CEP192: variants seen among roughly 807,000 people sequenced by gnomAD.
CEP192 encodes centrosomal protein of 192 kDa.
In CEP192, 151 loss-of-function variants were observed where a neutral mutation model predicts 271.8. That is an observed-to-expected ratio of 0.56 (90% CI 0.49 to 0.64). The LOEUF is 0.64. Among genes scored for constraint, CEP192 ranks in the 30% least tolerant of loss-of-function variants. The pLI is 0.00. For synonymous variants in CEP192, 995 were observed against 1,076.5 expected (o/e 0.92, Z 1.48); for missense variants, 2,910 against 3,020.5 (o/e 0.96, Z 0.86).
At chr18:13,117,859 T>C (rs1221207085) in intron 44 of CEP192, among the ~76,000 whole-genome samples, 1 of 152,208 alleles carries the variant, frequency 6.6e-6, no homozygotes, top group African/African-American at 2.4e-5. Context: ...GGTGCCACAG[T>C]GCACAGCATT....
At chr18:13,013,300 G>C (rs1479193263) in intron 5 of CEP192, among the ~76,000 whole-genome samples, 2 of 152,128 alleles carry the variant, frequency 1.3e-5, no homozygotes, top group Non-Finnish European at 2.9e-5. Flanking sequence ...GCTTCATCTA[G>C]AATGTTAGCT....
At chr18:13,051,460 A>G (rs1371093036) in intron 17 of CEP192, among the ~76,000 whole-genome samples, 2 of 152,180 alleles carry the variant, frequency 1.3e-5, no homozygotes. Context: ...GCCTGAAGCA[A>G]TTTGGTTAGT....
intron 6 of CEP192, among the ~76,000 whole-genome samples, chr18:13,016,152 A>T (rs961927019): frequency 1.3e-5 from 2 of 152,128 alleles, no homozygotes; most frequent in Non-Finnish European, 2.9e-5. Context: ...ACAGGCCCCA[A>T]ATGTGCCTGG....
At chr18:13,036,793 T>C (rs938577360) in intron 11 of CEP192, among the ~76,000 whole-genome samples, 1 of 152,200 alleles carries the variant, frequency 6.6e-6, no homozygotes, top group Admixed American at 6.5e-5. Context: ...CCAGTCTTTG[T>C]CCGGACCGGG....
In CEP192 at chr18:13,113,615, G is replaced by A; in HGVS notation, c.7077G>A (p.Arg2359=). 3 of 1,613,372 alleles carry A rather than the reference G, an allele frequency of 1.9e-6. No homozygotes were observed. The highest frequency in any genetic ancestry group is 2.5e-6 in the Non-Finnish European group (3 of 1,179,624). ...KVSITFLPRG[R]GDYAQFWDVE... ...CCATCACATTTTTGCCCAGAGGTAG[G>A]GGGGATTATGCCCAGTTTTGGGATG... The change falls in exon 41 of 45, where the codon AGG becomes AGA. Residue 2359 remains arginine (R), a synonymous_variant. Coordinates refer to ENST00000506447, the MANE Select transcript of CEP192 (RefSeq NM_032142.4).
intron 9 of CEP192, among the ~76,000 whole-genome samples, chr18:13,029,032 T>C (rs1568303723): frequency 6.6e-6 from 1 of 152,244 alleles, no homozygotes; most frequent in Non-Finnish European, 1.5e-5. Flanking sequence ...ATAAGTTTCA[T>C]TGGCATGTGA....
intron 40 of CEP192, among the ~76,000 whole-genome samples, chr18:13,113,177 G>C (rs1429778707): frequency 2.0e-5 from 3 of 152,176 alleles, no homozygotes; most frequent in African/African-American, 7.2e-5. Flanking sequence ...GTCCTCTACA[G>C]CTCCTGGCCG....
At chr18:13,084,965 G>A (rs1157704288) in intron 30 of CEP192, among the ~76,000 whole-genome samples, 2 of 150,866 alleles carry the variant, frequency 1.3e-5, no homozygotes, top group Non-Finnish European at 3.0e-5. Flanking sequence ...ACAAGCGCAT[G>A]CCACCACACC....
At chr18:13,005,130 C>G (rs948940901) in intron 3 of CEP192, among the ~76,000 whole-genome samples, 37 of 152,244 alleles carry the variant, frequency 2.4e-4, no homozygotes, top group African/African-American at 8.4e-4. Context: ...TATTCCATCT[C>G]CACACCAGGT....
intron 44 of CEP192, chr18:13,124,353 T>C: frequency 3.6e-6 from 1 of 276,566 alleles, no homozygotes; most frequent in Non-Finnish European, 6.8e-6. Flanking sequence ...GTATGTATGA[T>C]AGTTTAGACC....
chr18:13,051,818 C>T (rs1247436633), intron 17 of CEP192, among the ~76,000 whole-genome samples: 1 of 152,262 alleles, frequency 6.6e-6, no homozygotes, highest in African/African-American at 2.4e-5. Context: ...GCTGGGATTA[C>T]AGGCGTGAGC....
chr18:13,030,204 C>G (rs1435228038), intron 10 of CEP192, among the ~76,000 whole-genome samples: 1 of 152,118 alleles, frequency 6.6e-6, no homozygotes, highest in Non-Finnish European at 1.5e-5. Flanking sequence ...TGAAAATGTA[C>G]CTTTCTAGCT....
At chr18:13,105,132 G>T (rs1358069723) in intron 40 of CEP192, 53 bp downstream of exon 40, 32 of 1,244,174 alleles carry the variant, frequency 2.6e-5, no homozygotes, top group Non-Finnish European at 3.8e-5. Flanking sequence ...GTCCAGGAGT[G>T]CCTCATTGGA....
At chr18:13,123,536 A>G (rs1475334855) in intron 44 of CEP192, among the ~76,000 whole-genome samples, 13 of 152,166 alleles carry the variant, frequency 8.5e-5, no homozygotes, top group Admixed American at 8.5e-4. Flanking sequence ...CGAAACGTAC[A>G]TCACTTCTGG....
At chr18:13,092,096 G>A (rs1478042922) in intron 33 of CEP192, among the ~76,000 whole-genome samples, 2 of 152,164 alleles carry the variant, frequency 1.3e-5, no homozygotes, top group African/African-American at 2.4e-5. Flanking sequence ...CTATATTATA[G>A]TTGGGGAAAC....
chr18:13,058,832 G>T (rs1261622177), intron 20 of CEP192: 1 of 499,958 alleles, frequency 2.0e-6, no homozygotes, highest in African/African-American at 1.9e-5. Flanking sequence ...TGAGTGTAAG[G>T]GTCAATGTGC....
At chr18:13,038,763 G>C (rs959159632) in intron 13 of CEP192, among the ~76,000 whole-genome samples, 184 bp downstream of exon 13, 1 of 152,032 alleles carries the variant, frequency 6.6e-6, no homozygotes, top group Non-Finnish European at 1.5e-5. Flanking sequence ...GCTAATTCTG[G>C]GACATTGAGC....
At chr18:13,068,784 A>G (rs575887058) in intron 24 of CEP192, 68 bp from the exon 25 acceptor site, 2 of 1,564,684 alleles carry the variant, frequency 1.3e-6, no homozygotes, top group South Asian at 2.2e-5. Flanking sequence ...ACTGTGTGGG[A>G]CTGCTGATGG....
At chr18:13,095,471 T>C in intron 34 of CEP192, 32 bp from the exon 35 acceptor site, 1 of 1,554,910 alleles carries the variant, frequency 6.4e-7, no homozygotes, top group East Asian at 2.3e-5. Context: ...TTTCTTCATG[T>C]CTAACTTTTT....
Sources: gnomAD v4.1 joint callset for allele counts (sites outside exome capture counted in the v4.1 genomes callset) on GRCh38, gnomAD v4.1.1 for gene constraint, MANE v1.5 for transcripts, NCBI Gene and HGNC (gene_info 2026-07-23, HGNC 2026-07-21) for gene names.